Variants in FGD2 observed in about 807,000 individuals in gnomAD.
The protein encoded by FGD2 is FYVE, RhoGEF and PH domain-containing protein 2.
FGD2 carries 52 observed loss-of-function variants against 75.9 expected under a neutral mutation model. The ratio of observed to expected loss-of-function variants is 0.69; its 90% CI spans 0.55 to 0.86. The LOEUF is 0.86. FGD2 is among the 40% of genes least tolerant of loss of function. FGD2 has a pLI of 0.00. For missense variants in FGD2, 790 were observed against 872.0 expected (o/e 0.91, Z 1.18); for synonymous variants, 347 against 348.6 (o/e 1.00, Z 0.05).
At chr6:37,026,105 G>A (rs1033341429) in intron 14 of FGD2, 167 bp downstream of exon 14, 16 of 984,818 alleles carry the variant, frequency 1.6e-5, no homozygotes, top group Non-Finnish European at 1.9e-5. Context: ...CAGGCCTCTC[G>A]CCACAGCCCA....
intron 2 of FGD2, among the ~76,000 whole-genome samples, chr6:37,010,558 G>A (rs958359007): frequency 2.0e-5 from 3 of 152,206 alleles, no homozygotes; most frequent in East Asian, 1.9e-4. Flanking sequence ...AGCTCAGCTC[G>A]CAAGTCTGGC....
rs1308636586 is a variant in FGD2 at position 37,025,530 on chromosome 6, C to T, written c.1459-262C>T. 2.4e-5 allele frequency: 12 copies of T among 499,954 alleles called. No individual in the cohort carries two copies. In the East Asian group the frequency reaches 3.7e-4, roughly 15 times the overall value. The allele number at this position is 499,954 out of a possible 1,614,324, so 31.0% of individuals were successfully genotyped here. ...GGGAACCTGGAGGGGAGAGAAGTTA[C>T]GGCCCTCGCGGTGGGGGCCGGGTCT... On this transcript the variant is annotated intron_variant, in intron 13 of 15. Coordinates refer to ENST00000274963, the MANE Select transcript of FGD2 (RefSeq NM_173558.4).
intron 4 of FGD2, 191 bp from the exon 5 acceptor site, chr6:37,013,417 TG>T: frequency 7.2e-7 from 1 of 1,395,526 alleles, no homozygotes; most frequent in South Asian, 1.6e-5. Flanking sequence ...GAACAGCCTT[TG>T]GCCTCAGGAG....
intron 4 of FGD2, 86 bp downstream of exon 4, chr6:37,011,940 C>T: frequency 7.5e-6 from 11 of 1,460,042 alleles, no homozygotes; most frequent in Non-Finnish European, 9.2e-6. Context: ...TAGGTTCAGC[C>T]TCCTAGGCCC....
Position 37,019,572 on chromosome 6 carries a change from C to T in FGD2, c.1123-969C>T, listed in dbSNP as rs1765462835. Among the ~76,000 whole-genome samples, 4 of 152,202 alleles carry T rather than the reference C, an allele frequency of 2.6e-5. No homozygotes were observed. In the South Asian group the frequency reaches 8.3e-4, roughly 32 times the overall value. On this transcript the variant is annotated intron_variant, in intron 9 of 15. Coordinates refer to ENST00000274963, the MANE Select transcript of FGD2 (RefSeq NM_173558.4). ...CACACAGAAGCTCTTGTGCTCTCAG[C>T]CTGTGTCTTAGGTTCTCTTTGCAAA... is the stretch of plus-strand genomic sequence containing the variant.
chr6:37,011,649 C>A, intron 3 of FGD2, 57 bp from the exon 4 acceptor site: 1 of 1,610,148 alleles, frequency 6.2e-7, no homozygotes, highest in Non-Finnish European at 8.5e-7. Context: ...TTCCCCCGGG[C>A]TGATGTGTGG....
intron 1 of FGD2, 107 bp downstream of exon 1, chr6:37,005,992 G>A (rs1260506957): frequency 1.6e-6 from 2 of 1,274,738 alleles, no homozygotes; most frequent in African/African-American, 2.9e-5. Context: ...CCTCCTGCAG[G>A]GGCAGCCCCG....
chr6:37,005,844 G>A lies in FGD2; in HGVS notation c.27G>A (p.Leu9=). The A allele has an allele frequency of 1.2e-6, 2 of 1,613,962 alleles. No homozygotes were observed. Among genetic ancestry groups the A allele is most frequent in the Non-Finnish European group, 1.7e-6 (2 of 1,179,988 alleles). The change falls in exon 1 of 16, where the codon CTG becomes CTA. Residue 9 remains leucine, a synonymous_variant. Coordinates refer to ENST00000274963, the MANE Select transcript of FGD2 (RefSeq NM_173558.4). ...TGAAGGGGGCAAGTGAGGAGAAGCT[G>A]GCATCTGTGTCCAACCTGGTCACTG... The part of the protein sequence containing the change: MKGASEEK[L]ASVSNLVTVF...
At chr6:37,005,978 C>T (rs2150764566) in intron 1 of FGD2, 93 bp downstream of exon 1, 12 of 1,409,856 alleles carry the variant, frequency 8.5e-6, no homozygotes, top group Non-Finnish European at 1.2e-5. Flanking sequence ...CTGCCCCGGA[C>T]CCTCCTCCTG....
intron 4 of FGD2, 153 bp downstream of exon 4, chr6:37,012,007 G>T: frequency 1.3e-6 from 1 of 785,438 alleles, no homozygotes; most frequent in Non-Finnish European, 1.9e-6. Context: ...CACAGTGAAG[G>T]GCTTGGGTGA....
rs756507480 is a variant in FGD2 at position 37,009,016 on chromosome 6, C to T, written c.251C>T (p.Ala84Val). ...CTGAAGAACAAGCTGTCCAGCGAAG[C>T]CTGGAGGAAATCTTGCCAGCCTGTG... ...NSLKNKLSSEAWRKSCQPVTL... is the reference protein window; with the variant it reads ...NSLKNKLSSEVWRKSCQPVTL... The change falls in exon 2 of 16, where the codon GCC becomes GTC. Residue 84 changes from alanine to valine, a missense_variant. Coordinates refer to ENST00000274963, the MANE Select transcript of FGD2 (RefSeq NM_173558.4). 6 of 1,614,228 alleles carry T rather than the reference C, an allele frequency of 3.7e-6. No homozygotes were observed. The South Asian group carries it at 6.6e-5, about 18-fold the overall frequency.
intron 3 of FGD2, 148 bp from the exon 4 acceptor site, chr6:37,011,558 G>T: frequency 9.2e-7 from 1 of 1,090,722 alleles, no homozygotes; most frequent in Non-Finnish European, 1.4e-6. Context: ...AACCTCCCCT[G>T]CCTTCTTTTC....
Position 37,025,952 on chromosome 6 carries a change from T to TC in FGD2, c.1605+18dup, listed in dbSNP as rs745445479. The TC allele has an allele frequency of 7.4e-6, 12 of 1,613,522 alleles. No individual in the cohort carries two copies. The highest frequency in any genetic ancestry group is 1.0e-5 in the Non-Finnish European group (12 of 1,179,830). ...GGCATCCTGGAGGTGAGGGCCACTG[T>TC]CCCCGCGCTCACCATCCGTCCTCTG... On this transcript the variant is annotated intron_variant, in intron 14 of 15. Transcript: ENST00000274963.
At position 37,013,617 on chromosome 6, in the gene FGD2, A is replaced by C; in HGVS notation, c.536A>C (p.Asn179Thr). Residue 179 changes from asparagine to threonine, a missense_variant, in exon 5 of 16, where the codon AAC becomes ACC. Transcript: ENST00000274963. ...LQRRLDDWTA[N>T]PRIGDVIQKL... ...CTGTGCCCCTCCTGCAGGACAGCTA[A>C]CCCCCGCATCGGTGACGTGATCCAG... The C allele has an allele frequency of 6.2e-7, 1 of 1,613,616 alleles. No homozygotes were observed. Among genetic ancestry groups the C allele is most frequent in the East Asian group, 2.2e-5 (1 of 44,874 alleles).
rs1372747195 is a variant in FGD2, at chr6:37,021,794, TC to T, written c.1326+192del. Reference sequence around the variant, plus strand: ...CTGAGCATTCCCCTTTAGCAAAACTTCCTTTGAGAGCCTGTCTGCACAGCTG... The same window carrying T: ...CTGAGCATTCCCCTTTAGCAAAACTTCTTTGAGAGCCTGTCTGCACAGCTG... On this transcript the variant is annotated intron_variant, in intron 12 of 15. Coordinates refer to ENST00000274963, the MANE Select transcript of FGD2 (RefSeq NM_173558.4). 3 of 577,842 alleles carry T rather than the reference TC, an allele frequency of 5.2e-6. No homozygotes were observed. The African/African-American group carries it at 5.6e-5, about 11-fold the overall frequency. The allele number at this position is 577,842 out of a possible 1,614,324, so 35.8% of individuals were successfully genotyped here. A position where few individuals can be genotyped will look rare whatever the true frequency, so the allele number is the denominator to read the frequency against.
intron 14 of FGD2, chr6:37,026,252 G>A (rs1269223489): frequency 1.0e-6 from 1 of 985,284 alleles, no homozygotes; most frequent in Non-Finnish European, 1.2e-6. Context: ...CCCATGTCCT[G>A]CCCCGACAGT....
intron 1 of FGD2, among the ~76,000 whole-genome samples, chr6:37,006,860 C>T (rs1469682402): frequency 6.6e-6 from 1 of 152,068 alleles, no homozygotes; most frequent in Non-Finnish European, 1.5e-5. Flanking sequence ...ACAGAGGCCT[C>T]AGCCTGTCCC....
chr6:37,026,325 G>A (rs1401766820), intron 14 of FGD2: 1 of 985,284 alleles, frequency 1.0e-6, no homozygotes, highest in Non-Finnish European at 1.2e-6. Flanking sequence ...TGACGCTCCA[G>A]GTCAGACAGA....
At chr6:37,021,419 G>T (rs2074676337) in intron 11 of FGD2, 93 bp from the exon 12 acceptor site, 19 of 1,173,994 alleles carry the variant, frequency 1.6e-5, no homozygotes, top group Non-Finnish European at 2.3e-5. Flanking sequence ...TGGGCTTTCA[G>T]CCCTGTCTGT....
Sources: gnomAD v4.1 joint callset for allele counts (sites outside exome capture counted in the v4.1 genomes callset) on GRCh38, gnomAD v4.1.1 for gene constraint, MANE v1.5 for transcripts, NCBI Gene and HGNC (gene_info 2026-07-23, HGNC 2026-07-21) for gene names.